DOCK1: variants seen among roughly 807,000 people sequenced by gnomAD.
The protein encoded by DOCK1 is dedicator of cytokinesis protein 1.
Under a neutral mutation model 262.7 loss-of-function variants are expected in DOCK1, and 138 were observed. That is an observed-to-expected ratio of 0.53 (90% CI 0.46 to 0.61). DOCK1 has a LOEUF of 0.61. DOCK1 is among the 20% of genes least tolerant of loss of function. The pLI, the probability that DOCK1 is intolerant of heterozygous loss-of-function variation, is 0.00. For synonymous variants in DOCK1, 866 were observed against 867.4 expected (o/e 1.00, Z 0.03); for missense variants, 1,908 against 2,370.7 (o/e 0.80, Z 4.05).
chr10:127,186,515 GCCCCCC>G (rs1412882423), intron 27 of DOCK1, among the ~76,000 whole-genome samples: 2 of 12,588 alleles, frequency 1.6e-4, no homozygotes, highest in Admixed American at 2.8e-3. Context: ...CCGCCCCCCC[GCCCCCC>G]CCCGATCCAG....
chr10:126,991,917 A>G (rs2039819032), intron 6 of DOCK1, among the ~76,000 whole-genome samples: 1 of 152,226 alleles, frequency 6.6e-6, no homozygotes, highest in Non-Finnish European at 1.5e-5. Flanking sequence ...CTCATTTTAC[A>G]CATTGGAATG....
rs1372700461 is a variant in DOCK1 at position 126,963,636 on chromosome 10, T to C, written c.47-7066T>C. Among the ~76,000 whole-genome samples, 124 of 77,642 alleles carry C rather than the reference T, an allele frequency of 1.6e-3. 6 individuals carry two copies. Among genetic ancestry groups the C allele is most frequent in the African/African-American group, 3.5e-3 (65 of 18,794 alleles). The allele number at this position is 77,642 out of a possible 152,430, so 50.9% of individuals were successfully genotyped here. ...TTCCCTTCCCTTCCCTTCCCTTCCCTTCCCTCCTTCCTTCCTTCCTTCCTT... is the reference window on the plus strand; with the variant it reads ...TTCCCTTCCCTTCCCTTCCCTTCCCCTCCCTCCTTCCTTCCTTCCTTCCTT... On this transcript the variant is annotated intron_variant, in intron 1 of 51. Transcript: ENST00000623213.
intron 6 of DOCK1, among the ~76,000 whole-genome samples, chr10:126,993,592 T>A (rs2039966465): frequency 6.6e-6 from 1 of 152,224 alleles, no homozygotes; most frequent in Non-Finnish European, 1.5e-5. Flanking sequence ...CTTAAAATGC[T>A]TTTTACATTT....
chr10:127,288,806 C>T (rs2061252437), intron 29 of DOCK1, among the ~76,000 whole-genome samples: 1 of 146,606 alleles, frequency 6.8e-6, no homozygotes, highest in Non-Finnish European at 1.5e-5. Context: ...CACACACACA[C>T]ATAAAATAGT....
chr10:127,402,853 T>A (rs1187900067), intron 38 of DOCK1, among the ~76,000 whole-genome samples: 1 of 152,264 alleles, frequency 6.6e-6, no homozygotes, highest in Middle Eastern at 3.2e-3. Flanking sequence ...GTGATTGACC[T>A]CTTTGGCCAG....
At chr10:127,368,043 G>A (rs943587767) in intron 33 of DOCK1, among the ~76,000 whole-genome samples, 3 of 152,148 alleles carry the variant, frequency 2.0e-5, no homozygotes, top group Admixed American at 2.0e-4. Flanking sequence ...CATACTCAAG[G>A]CCACTGTGGA....
rs577094064 is a variant in DOCK1, at chr10:127,235,786, T to C, written c.2848-12222T>C. ...CCATTGTTCTGCATCTTTGTGGTGG[T>C]TGTTTTTTTTTTTAATTTTAGCCAT... On this transcript the variant is annotated intron_variant, in intron 27 of 51. Transcript: ENST00000623213. 9.7e-5 allele frequency among the ~76,000 whole-genome samples: 5 copies of C among 51,344 alleles called. No individual in the cohort carries two copies. The South Asian group carries it at 3.1e-3, about 32-fold the overall frequency. 33.7% of individuals were successfully genotyped at this position (51,344 alleles called of 152,430 possible).
intron 23 of DOCK1, among the ~76,000 whole-genome samples, chr10:127,093,480 G>A (rs376582811): frequency 1.3e-5 from 2 of 151,572 alleles, no homozygotes; most frequent in East Asian, 3.9e-4. Context: ...AGCCTCCCAA[G>A]TAGCTGGGAT....
At chr10:127,037,073 C>A (rs1179169873) in intron 18 of DOCK1, among the ~76,000 whole-genome samples, 1 of 151,428 alleles carries the variant, frequency 6.6e-6, no homozygotes, top group Non-Finnish European at 1.5e-5. Context: ...CTTTAAAAAC[C>A]AGTATATTCA....
At position 127,005,053 on chromosome 10, in the gene DOCK1, T is replaced by G. The variant is rs146682453; in HGVS notation, c.986-3679T>G. On this transcript the variant is annotated intron_variant, in intron 10 of 51. Coordinates refer to ENST00000623213, the MANE Select transcript of DOCK1 (RefSeq NM_001290223.2). ...TCTCTTTGTTACTAAGAAAGGATAC[T>G]TGGTCGGGTGCAGTGGCTCACACCT... 3.3e-3 allele frequency among the ~76,000 whole-genome samples: 498 copies of G among 152,122 alleles called. 3 individuals are homozygous for G. Among genetic ancestry groups the G allele is most frequent in the African/African-American group, 0.011 (465 of 41,506 alleles).
At chr10:127,420,713 C>T (rs2068450706) in intron 46 of DOCK1, among the ~76,000 whole-genome samples, 1 of 151,850 alleles carries the variant, frequency 6.6e-6, no homozygotes, top group Non-Finnish European at 1.5e-5. Context: ...GTGGTGCACG[C>T]CTATAATCCC....
At chr10:127,368,509 G>C (rs952491954) in intron 33 of DOCK1, among the ~76,000 whole-genome samples, 1 of 151,694 alleles carries the variant, frequency 6.6e-6, no homozygotes, top group South Asian at 2.1e-4. Flanking sequence ...CCCCAATCCA[G>C]AGAGTAGCAT....
At chr10:127,297,886 A>G (rs1353575901) in intron 29 of DOCK1, among the ~76,000 whole-genome samples, 1 of 151,986 alleles carries the variant, frequency 6.6e-6, no homozygotes, top group African/African-American at 2.4e-5. Flanking sequence ...CGATTTCACC[A>G]CCCATTACCT....
At chr10:127,424,658 G>A (rs2068709074) in intron 46 of DOCK1, among the ~76,000 whole-genome samples, 1 of 152,214 alleles carries the variant, frequency 6.6e-6, no homozygotes, top group Admixed American at 6.5e-5. Flanking sequence ...TCTACTGCTG[G>A]CCCTGAGTAA....
intron 29 of DOCK1, among the ~76,000 whole-genome samples, chr10:127,261,936 G>T (rs2060161958): frequency 6.9e-6 from 1 of 145,760 alleles, no homozygotes; most frequent in Non-Finnish European, 1.5e-5. Flanking sequence ...CTGTGTGCAT[G>T]TGGGTGTGTG....
chr10:127,418,738 G>C (rs1324085828), intron 45 of DOCK1, among the ~76,000 whole-genome samples, 197 bp downstream of exon 45: 2 of 152,218 alleles, frequency 1.3e-5, no homozygotes, highest in African/African-American at 4.8e-5. Flanking sequence ...GTCCCGGCAA[G>C]GCTCCCCTGG....
chr10:127,022,343 T>G (rs1288410894), intron 13 of DOCK1, among the ~76,000 whole-genome samples: 1 of 152,078 alleles, frequency 6.6e-6, no homozygotes, highest in Non-Finnish European at 1.5e-5. Flanking sequence ...TTATTTTATT[T>G]TATTATTTTA....
intron 1 of DOCK1, among the ~76,000 whole-genome samples, chr10:126,930,470 G>C (rs963660188): frequency 6.6e-6 from 1 of 152,212 alleles, no homozygotes; most frequent in African/African-American, 2.4e-5. Context: ...CGTGACCATC[G>C]GGGTGGGGAA....
rs147558776 is a variant in DOCK1, at chr10:126,925,139, G to A, written c.46+19576G>A. Among the ~76,000 whole-genome samples, 413 of 152,342 alleles carry A rather than the reference G, an allele frequency of 2.7e-3. 1 individual carries two copies. The highest frequency in any genetic ancestry group is 4.6e-3 in the Non-Finnish European group (316 of 68,034). On this transcript the variant is annotated intron_variant, in intron 1 of 51. Transcript: ENST00000623213. ...CATCACTAGCCTGGAGAAACTGAAC[G>A]GTGGTGTTGAGTCTTGTTTTCAGTT... is the stretch of plus-strand genomic sequence containing the variant.
Sources: gnomAD v4.1 joint callset for allele counts (sites outside exome capture counted in the v4.1 genomes callset) on GRCh38, gnomAD v4.1.1 for gene constraint, MANE v1.5 for transcripts, NCBI Gene and HGNC (gene_info 2026-07-23, HGNC 2026-07-21) for gene names.